Variants in ERBB4 observed in about 807,000 individuals in gnomAD.
ERBB4 encodes receptor tyrosine-protein kinase erbB-4.
ERBB4 carries 42 observed loss-of-function variants against 158.0 expected under a neutral mutation model. The ratio of observed to expected loss-of-function variants is 0.27; its 90% CI spans 0.21 to 0.34. The LOEUF (loss-of-function observed/expected upper bound fraction) is 0.34. Ranked by LOEUF, ERBB4 falls within the 10% of genes least tolerant of loss-of-function variation. ERBB4 has a pLI of 1.00. For missense variants in ERBB4, 1,333 were observed against 1,624.1 expected, an observed-to-expected ratio of 0.82 and a Z score of 3.08; for synonymous variants, 583 against 558.7, an observed-to-expected ratio of 1.04 and a Z score of -0.61.
intron 2 of ERBB4, among the ~76,000 whole-genome samples, chr2:212,065,089 A>G (rs1200524971): frequency 6.6e-6 from 1 of 151,448 alleles, no homozygotes; most frequent in Non-Finnish European, 1.5e-5. Context: ...TCACTCAATC[A>G]TCTAAATGGT....
intron 1 of ERBB4, among the ~76,000 whole-genome samples, chr2:212,165,312 A>G (rs2081315035): frequency 1.7e-5 from 2 of 118,052 alleles, no homozygotes; most frequent in Middle Eastern, 4.2e-3. Context: ...TTTTGCATTA[A>G]TATATATATA....
At chr2:212,077,892 TTC>T (rs1478668546) in intron 2 of ERBB4, among the ~76,000 whole-genome samples, 3 of 152,076 alleles carry the variant, frequency 2.0e-5, no homozygotes, top group Non-Finnish European at 4.4e-5. Context: ...TGGGTATCTT[TTC>T]TGTCTTAGAA....
chr2:211,663,416 G>A (rs544525727), intron 15 of ERBB4, among the ~76,000 whole-genome samples: 4 of 152,230 alleles, frequency 2.6e-5, no homozygotes, highest in East Asian at 1.9e-4. Flanking sequence ...TTAATTCTGC[G>A]GCTGCAAATT....
At chr2:212,269,024 G>GA (rs942469531) in intron 1 of ERBB4, among the ~76,000 whole-genome samples, 13 of 151,376 alleles carry the variant, frequency 8.6e-5, no homozygotes, top group Middle Eastern at 3.4e-3. Flanking sequence ...CAGGCAAAAA[G>GA]AAAAAAAATG....
At chr2:212,250,794 G>GAA (rs200400420) in intron 1 of ERBB4, among the ~76,000 whole-genome samples, 1 of 151,090 alleles carries the variant, frequency 6.6e-6, no homozygotes, top group East Asian at 1.9e-4. Flanking sequence ...AGATTATGGT[G>GAA]AAAAAAAACC....
chr2:212,228,876 T>C (rs1397434767), intron 1 of ERBB4, among the ~76,000 whole-genome samples: 1 of 152,178 alleles, frequency 6.6e-6, no homozygotes, highest in Non-Finnish European at 1.5e-5. Flanking sequence ...ATCTAGACAA[T>C]AAATTTCAAC....
intron 1 of ERBB4, among the ~76,000 whole-genome samples, chr2:212,305,510 A>G (rs1574642886): frequency 6.6e-6 from 1 of 151,380 alleles, no homozygotes; most frequent in East Asian, 2.0e-4. Flanking sequence ...AACTCCTCAC[A>G]TTCTTAATAT....
chr2:212,279,214 T>C (rs1197608518), intron 1 of ERBB4, among the ~76,000 whole-genome samples: 3 of 151,562 alleles, frequency 2.0e-5, no homozygotes, highest in Non-Finnish European at 4.4e-5. Flanking sequence ...TCTTGCTTTC[T>C]AGAACTTTTG....
At chr2:212,474,801 A>ATTCT (rs1689291705) in intron 1 of ERBB4, among the ~76,000 whole-genome samples, 1 of 127,540 alleles carries the variant, frequency 7.8e-6, no homozygotes, top group Non-Finnish European at 1.6e-5. Flanking sequence ...ACTAATCACC[A>ATTCT]TTTCCTGACA....
At chr2:211,556,482 T>C (rs1403022328) in intron 20 of ERBB4, among the ~76,000 whole-genome samples, 1 of 152,176 alleles carries the variant, frequency 6.6e-6, no homozygotes, top group Non-Finnish European at 1.5e-5. Context: ...CAATAGAATA[T>C]ACTTTCTTCT....
chr2:212,354,066 C>T (rs757375199), intron 1 of ERBB4, among the ~76,000 whole-genome samples: 1 of 152,102 alleles, frequency 6.6e-6, no homozygotes, highest in Non-Finnish European at 1.5e-5. Flanking sequence ...ATATTTCCAT[C>T]GCTACAGGAT....
intron 15 of ERBB4, among the ~76,000 whole-genome samples, chr2:211,659,457 C>A (rs968660869): frequency 2.0e-5 from 3 of 151,922 alleles, no homozygotes; most frequent in Non-Finnish European, 2.9e-5. Flanking sequence ...GTTTTCTTTT[C>A]ATTATATTCC....
chr2:211,734,826 C>T (rs1179315696), intron 5 of ERBB4, among the ~76,000 whole-genome samples: 8 of 139,554 alleles, frequency 5.7e-5, no homozygotes, highest in Non-Finnish European at 3.0e-5. Context: ...GAGGCTGAGG[C>T]AGGAGAATGG....
At chr2:212,250,231 T>C (rs1372802540) in intron 1 of ERBB4, among the ~76,000 whole-genome samples, 3 of 152,016 alleles carry the variant, frequency 2.0e-5, no homozygotes. Context: ...TATGGGTTTC[T>C]ATTTCATTCA....
At chr2:212,301,817 A>C (rs2086634388) in intron 1 of ERBB4, among the ~76,000 whole-genome samples, 1 of 151,398 alleles carries the variant, frequency 6.6e-6, no homozygotes, top group Non-Finnish European at 1.5e-5. Flanking sequence ...CATGTAACTT[A>C]TAGGGTAAAC....
chr2:212,211,726 C>G (rs2082941566), intron 1 of ERBB4, among the ~76,000 whole-genome samples: 1 of 151,896 alleles, frequency 6.6e-6, no homozygotes, highest in Non-Finnish European at 1.5e-5. Flanking sequence ...GTTCCCTCCC[C>G]TCCCCACTCA....
In ERBB4 at chr2:211,466,845, C is replaced by T. The variant is rs545456636; in HGVS notation, c.2488-35745G>A. 1.1e-4 allele frequency among the ~76,000 whole-genome samples: 16 copies of T among 152,130 alleles called. No individual in the cohort carries two copies. The South Asian group carries it at 3.3e-3, about 32-fold the overall frequency. On this transcript the variant is annotated intron_variant, in intron 20 of 27. Coordinates refer to ENST00000342788, the MANE Select transcript of ERBB4 (RefSeq NM_005235.3). ...TTATGCTGCAGAGAAAAAATTCCCA[C>T]CTTATAAATGGTAATATATCAGTTT...
At chr2:212,224,815 T>A (rs937506647) in intron 1 of ERBB4, among the ~76,000 whole-genome samples, 1 of 152,108 alleles carries the variant, frequency 6.6e-6, no homozygotes, top group African/African-American at 2.4e-5. Context: ...ACTGAAAATT[T>A]ACTGTCTGAA....
chr2:211,994,351 T>A (rs975559078), intron 2 of ERBB4, among the ~76,000 whole-genome samples: 1 of 152,014 alleles, frequency 6.6e-6, no homozygotes, highest in Admixed American at 6.6e-5. Flanking sequence ...AAGTCTGGCC[T>A]CAAACTCCTG....
Sources: gnomAD v4.1 joint callset for allele counts (sites outside exome capture counted in the v4.1 genomes callset) on GRCh38, gnomAD v4.1.1 for gene constraint, MANE v1.5 for transcripts, NCBI Gene and HGNC (gene_info 2026-07-23, HGNC 2026-07-21) for gene names.